The following SUMF1 variants were observed in gnomAD, a reference collection of about 807,000 sequenced individuals.
SUMF1 encodes the protein formylglycine-generating enzyme.
Under a neutral mutation model 47.6 loss-of-function variants are expected in SUMF1, and 48 were observed. That is an observed-to-expected ratio of 1.01 (90% CI 0.80 to 1.28). The LOEUF is 1.28. Ranked by LOEUF, SUMF1 falls within the 50% of genes most tolerant of loss-of-function variation. The pLI, the probability that SUMF1 is intolerant of heterozygous loss-of-function variation, is 0.00. For missense variants in SUMF1, 571 were observed against 485.4 expected (o/e 1.18, Z -1.66); for synonymous variants, 230 against 192.1 (o/e 1.20, Z -1.63).
intron 8 of SUMF1, among the ~76,000 whole-genome samples, chr3:4,372,808 T>C (rs924753430): frequency 1.3e-5 from 2 of 152,250 alleles, no homozygotes; most frequent in African/African-American, 4.8e-5. Context: ...GTAAAAGCTG[T>C]TACTCTTCAT....
intron 3 of SUMF1, among the ~76,000 whole-genome samples, chr3:4,429,550 A>G (rs1347951409): frequency 2.0e-5 from 3 of 152,240 alleles, no homozygotes; most frequent in African/African-American, 7.2e-5. Context: ...GGAGGTAAAC[A>G]ACAATATAAA....
chr3:4,364,377 T>C (rs1383243366), intron 8 of SUMF1, among the ~76,000 whole-genome samples: 1 of 123,170 alleles, frequency 8.1e-6, no homozygotes, highest in African/African-American at 3.0e-5. Context: ...GTTGGTAAGC[T>C]ATTGATTATT....
intron 9 of SUMF1, among the ~76,000 whole-genome samples, chr3:4,043,703 G>A (rs372134358): frequency 3.3e-5 from 5 of 152,014 alleles, no homozygotes; most frequent in African/African-American, 4.8e-5. Flanking sequence ...TTGAACTATC[G>A]ATCTGTCTGC....
At chr3:4,052,866 C>T (rs1259293061) in intron 9 of SUMF1, among the ~76,000 whole-genome samples, 2 of 152,130 alleles carry the variant, frequency 1.3e-5, no homozygotes, top group South Asian at 2.1e-4. Context: ...GTTTAATGTT[C>T]CATCCAGACC....
chr3:4,100,064 C>T (rs554415037), intron 8 of SUMF1, among the ~76,000 whole-genome samples: 1 of 150,468 alleles, frequency 6.6e-6, no homozygotes, highest in South Asian at 2.1e-4. Context: ...AATATGAATT[C>T]TTCCAATCCT....
At chr3:4,066,258 C>T (rs1336022425) in intron 9 of SUMF1, among the ~76,000 whole-genome samples, 2 of 151,878 alleles carry the variant, frequency 1.3e-5, no homozygotes, top group East Asian at 3.9e-4. Flanking sequence ...CAGTCAACTT[C>T]CCAACAGAAA....
chr3:4,149,182 G>C (rs948380390), intron 8 of SUMF1, among the ~76,000 whole-genome samples: 4 of 152,084 alleles, frequency 2.6e-5, no homozygotes, highest in African/African-American at 9.7e-5. Context: ...TAAAGATGCT[G>C]TATTACTTTC....
chr3:4,145,073 C>T (rs999603653), intron 8 of SUMF1, among the ~76,000 whole-genome samples: 18 of 151,792 alleles, frequency 1.2e-4, no homozygotes, highest in Non-Finnish European at 2.9e-5. Context: ...GTGACAGGCA[C>T]CTGTAGTCCC....
intron 3 of SUMF1, among the ~76,000 whole-genome samples, chr3:4,438,533 G>A (rs972770555): frequency 1.3e-5 from 2 of 152,162 alleles, no homozygotes; most frequent in East Asian, 1.9e-4. Context: ...CAAGAATCCT[G>A]TTAGGCCAGT....
intron 8 of SUMF1, among the ~76,000 whole-genome samples, chr3:4,315,417 A>G (rs794212): frequency 0.082 from 12,420 of 152,190 alleles, 727 homozygotes; most frequent in South Asian, 0.33. Context: ...CCAGAGGACA[A>G]TCTTCCATTC....
intron 3 of SUMF1, among the ~76,000 whole-genome samples, chr3:4,423,279 T>TAC (rs56729932): frequency 0.085 from 12,463 of 147,048 alleles, 658 homozygotes; most frequent in African/African-American, 0.16. Context: ...GAAACTGTGA[T>TAC]ACACACACAC....
At chr3:4,197,266 C>T (rs1402649449) in intron 8 of SUMF1, among the ~76,000 whole-genome samples, 1 of 152,084 alleles carries the variant, frequency 6.6e-6, no homozygotes, top group African/African-American at 2.4e-5. Flanking sequence ...AAATGCACGC[C>T]ACCATGCCTA....
rs535451190 is a variant in SUMF1 at position 4,182,503 on chromosome 3, C to T, written c.1015-113758G>A. On this transcript the variant is annotated intron_variant and NMD_transcript_variant, in intron 8 of 12. Coordinates refer to the SUMF1 transcript ENST00000448413. ...AGAAACTTGTATTCAGCGGGTAAAA[C>T]GTAGAACTTCAGACATATACTTCCA... Among the ~76,000 whole-genome samples the T allele has an allele frequency of 2.5e-4, 38 of 151,846 alleles. 1 individual carries two copies. Among genetic ancestry groups the T allele is most frequent in the South Asian group, 1.2e-3 (6 of 4,812 alleles).
At chr3:4,457,838 A>T (rs943976309) in intron 1 of SUMF1, among the ~76,000 whole-genome samples, 1 of 152,222 alleles carries the variant, frequency 6.6e-6, no homozygotes, top group Admixed American at 6.5e-5. Flanking sequence ...CCTGGCAAAG[A>T]TTTCTTGGAC....
intron 7 of SUMF1, among the ~76,000 whole-genome samples, chr3:4,395,653 T>C (rs919146148): frequency 8.5e-5 from 13 of 152,188 alleles, no homozygotes; most frequent in African/African-American, 3.1e-4. Context: ...GTGAAATGAA[T>C]GAAAACAGTC....
At chr3:4,272,294 G>T (rs578012581) in intron 8 of SUMF1, among the ~76,000 whole-genome samples, 3 of 152,210 alleles carry the variant, frequency 2.0e-5, no homozygotes, top group Admixed American at 2.0e-4. Context: ...GGAGGAAAAC[G>T]CAGAGGCTGG....
intron 8 of SUMF1, among the ~76,000 whole-genome samples, chr3:4,126,365 C>T (rs1447761063): frequency 1.3e-5 from 2 of 152,024 alleles, no homozygotes; most frequent in East Asian, 3.9e-4. Flanking sequence ...CCTCTTTCTT[C>T]TGTTAGTGAT....
Position 4,245,703 on chromosome 3 carries a change from C to T in SUMF1, c.1014+130627G>A, listed in dbSNP as rs770183363. Among the ~76,000 whole-genome samples, 57 of 152,172 alleles carry T rather than the reference C, an allele frequency of 3.7e-4. 1 individual carries two copies. The highest frequency in any genetic ancestry group is 3.7e-4 in the Non-Finnish European group (25 of 68,018). ...GTCAGGCTACGCAAGGGTCAGGGAC[C>T]CACTTGAGTAGGTAGTCTGTCCATT... On this transcript the variant is annotated intron_variant and NMD_transcript_variant, in intron 8 of 12. Transcript: ENST00000448413.
At chr3:4,397,874 C>T (rs565188466) in intron 7 of SUMF1, among the ~76,000 whole-genome samples, 2 of 152,160 alleles carry the variant, frequency 1.3e-5, no homozygotes, top group South Asian at 2.1e-4. Context: ...TTTCATTACA[C>T]GTAAAACATA....
Sources: gnomAD v4.1 joint callset for allele counts (sites outside exome capture counted in the v4.1 genomes callset) on GRCh38, gnomAD v4.1.1 for gene constraint, MANE v1.5 for transcripts, NCBI Gene and HGNC (gene_info 2026-07-23, HGNC 2026-07-21) for gene names.